Variants in INF2 observed in about 807,000 individuals in gnomAD.
The protein encoded by INF2 is inverted formin 2.
A neutral mutation model predicts 123.5 loss-of-function variants in INF2; 43 were observed. The ratio of observed to expected loss-of-function variants is 0.35; its 90% CI spans 0.27 to 0.45. The LOEUF is 0.45. Ranked by LOEUF, INF2 falls within the 20% of genes least tolerant of loss-of-function variation. INF2 has a pLI of 1.00. For missense variants in INF2, 1,453 were observed against 1,682.7 expected, an observed-to-expected ratio of 0.86 and a Z score of 2.39; for synonymous variants, 851 against 745.0, an observed-to-expected ratio of 1.14 and a Z score of -2.32.
chr14:104,713,266 G>A lies in INF2; in HGVS notation c.2835G>A (p.Ala945=), dbSNP rs368074903. 26 of 1,551,248 alleles carry A rather than the reference G, an allele frequency of 1.7e-5. No individual in the cohort carries two copies. The East Asian group carries it at 2.9e-4, about 17-fold the overall frequency. The part of the protein sequence containing the change: ...AKAERRKQQL[A]EEEARRPRGE... The stretch of plus-strand genomic sequence containing the variant: ...CAGAGAGGAGGAAGCAGCAGCTGGC[G>A]GAGGAGGAGGCGCGGCGGCCTCGGG... The change falls in exon 19 of 23, where the codon GCG becomes GCA. Residue 945 remains alanine (A), a synonymous_variant. Coordinates refer to ENST00000392634, the MANE Select transcript of INF2 (RefSeq NM_022489.4).
chr14:104,693,264 G>T (rs1878235792), intron 1 of INF2, among the ~76,000 whole-genome samples: 1 of 152,224 alleles, frequency 6.6e-6, no homozygotes, highest in African/African-American at 2.4e-5. Flanking sequence ...AAGTGGGAGA[G>T]GTGGGGTGGG....
intron 1 of INF2, chr14:104,691,434 T>A (rs918265245): frequency 2.6e-5 from 4 of 152,130 alleles, no homozygotes; most frequent in African/African-American, 9.7e-5. Flanking sequence ...GAGGTCAAAT[T>A]TCCCTGTAGT....
intron 1 of INF2, among the ~76,000 whole-genome samples, chr14:104,696,990 G>A (rs1889220985): frequency 6.6e-6 from 1 of 152,166 alleles, no homozygotes; most frequent in African/African-American, 2.4e-5. Flanking sequence ...CCCCGCCACT[G>A]CTTCAGGGTC....
chr14:104,714,916 C>T (rs1198766821), intron 21 of INF2, 60 bp downstream of exon 21: 4 of 1,444,330 alleles, frequency 2.8e-6, no homozygotes, highest in Admixed American at 2.8e-5. Context: ...CCCAGCCGGT[C>T]CCTCCCCTTC....
At position 104,714,189 on chromosome 14, in the gene INF2, GTCCC is replaced by G; in HGVS notation, c.3041-10_3041-7del. 6.7e-7 allele frequency: 1 copy of G among 1,497,246 alleles called. No homozygotes were observed. Among genetic ancestry groups the G allele is most frequent in the Non-Finnish European group, 8.9e-7 (1 of 1,124,052 alleles). The allele number at this position is 1,497,246 out of a possible 1,614,324, so 92.7% of individuals were successfully genotyped here. On this transcript the variant is annotated splice_polypyrimidine_tract_variant and intron_variant, in intron 20 of 22. Transcript: ENST00000392634. ...CAGGGTGCCTGCCCTTCACTGGTGTGTCCCTCCATCCAGTGGCCACCAGTAACCC... is the reference window on the plus strand; with the variant it reads ...CAGGGTGCCTGCCCTTCACTGGTGTGTCCATCCAGTGGCCACCAGTAACCC...
intron 16 of INF2, among the ~76,000 whole-genome samples, chr14:104,712,188 G>A (rs1890082221): frequency 6.6e-6 from 1 of 152,160 alleles, no homozygotes. Context: ...CTCAGGAGCT[G>A]CTCAGCCTTG....
upstream of INF2, among the ~76,000 whole-genome samples, chr14:104,687,812 G>A (rs1056397956): frequency 6.6e-6 from 1 of 152,194 alleles, no homozygotes; most frequent in African/African-American, 2.4e-5. The surrounding 1 kb of genome is among the most constrained non-coding windows in gnomAD (Gnocchi z 5.6). Context: ...TTTCCCCCAG[G>A]CAGGTGGACA....
upstream of INF2, among the ~76,000 whole-genome samples, chr14:104,687,479 T>TACACACAC (rs5811149): frequency 6.7e-4 from 88 of 131,984 alleles, no homozygotes; most frequent in African/African-American, 2.2e-3. The surrounding 1 kb of genome is among the most constrained non-coding windows in gnomAD (Gnocchi z 5.6). Flanking sequence ...CACACACACA[T>TACACACAC]ACACACACAC....
chr14:104,700,324 T>G (rs958258796), intron 1 of INF2, among the ~76,000 whole-genome samples: 2 of 152,170 alleles, frequency 1.3e-5, no homozygotes, highest in South Asian at 2.1e-4. Flanking sequence ...GTGCCTGCCT[T>G]GGAGGTGGTG....
At chr14:104,693,538 C>T (rs538171320) in intron 1 of INF2, among the ~76,000 whole-genome samples, 25 of 152,270 alleles carry the variant, frequency 1.6e-4, no homozygotes, top group African/African-American at 4.8e-4. Flanking sequence ...ACACCAGCCC[C>T]GGGTAGTGGC....
chr14:104,703,975 C>G (rs748862922), intron 5 of INF2, 26 bp downstream of exon 5: 7 of 1,607,976 alleles, frequency 4.4e-6, no homozygotes, highest in Non-Finnish European at 5.9e-6. Context: ...AGCGGTCCTG[C>G]CGGCTCCCCC....
upstream of INF2, among the ~76,000 whole-genome samples, chr14:104,685,518 G>A (rs901825160): frequency 6.7e-6 from 1 of 149,132 alleles, no homozygotes; most frequent in Admixed American, 6.8e-5. Flanking sequence ...GTCCTTGTCA[G>A]CAAGCATAGA....
At chr14:104,692,575 C>T (rs1276727846) in intron 1 of INF2, among the ~76,000 whole-genome samples, 2 of 152,208 alleles carry the variant, frequency 1.3e-5, no homozygotes, top group Admixed American at 1.3e-4. Flanking sequence ...CATTACCGGG[C>T]CTCCAAACTC....
At chr14:104,718,664 T>TG in intron 22 of INF2, 131 bp from the exon 23 acceptor site, 1 of 1,494,986 alleles carries the variant, frequency 6.7e-7, no homozygotes, top group Non-Finnish European at 9.0e-7. Flanking sequence ...AGAGTGGACC[T>TG]GCGATGCATG....
chr14:104,706,295 C>A, intron 6 of INF2, 119 bp downstream of exon 6: 1 of 1,070,324 alleles, frequency 9.3e-7, no homozygotes, highest in Non-Finnish European at 1.3e-6. Flanking sequence ...GTGACCTGGG[C>A]CATGGTGCCA....
At chr14:104,712,256 A>T (rs944306131) in intron 16 of INF2, among the ~76,000 whole-genome samples, 177 bp from the exon 17 acceptor site, 1 of 152,124 alleles carries the variant, frequency 6.6e-6, no homozygotes, top group Non-Finnish European at 1.5e-5. Context: ...AGATGCTCAC[A>T]GGGGGCTGAG....
chr14:104,698,092 C>T (rs769797318), intron 1 of INF2, among the ~76,000 whole-genome samples: 35 of 152,330 alleles, frequency 2.3e-4, no homozygotes, highest in Non-Finnish European at 4.0e-4. Flanking sequence ...GCCCTACAGC[C>T]GGGGCTGGGG....
exon 1 of INF2, chr14:104,681,413 A>T (rs1566767040): frequency 2.0e-6 from 1 of 492,648 alleles, no homozygotes; most frequent in East Asian, 6.9e-5. Flanking sequence ...GGAGCTGGTT[A>T]TGTCACATCT....
At chr14:104,696,991 C>T (rs1889221110) in intron 1 of INF2, among the ~76,000 whole-genome samples, 1 of 152,318 alleles carries the variant, frequency 6.6e-6, no homozygotes, top group East Asian at 1.9e-4. Flanking sequence ...CCCGCCACTG[C>T]TTCAGGGTCC....
Sources: gnomAD v4.1 joint callset for allele counts (sites outside exome capture counted in the v4.1 genomes callset) on GRCh38, gnomAD v4.1.1 for gene constraint, Gnocchi (gnomAD v3.1) non-coding constraint, MANE v1.5 for transcripts, NCBI Gene and HGNC (gene_info 2026-07-23, HGNC 2026-07-21) for gene names.